RAB11FIP3: variants seen among roughly 807,000 people sequenced by gnomAD.
The protein encoded by RAB11FIP3 is rab11 family-interacting protein 3.
Under a neutral mutation model 77.8 loss-of-function variants are expected in RAB11FIP3, and 17 were observed. The observed-to-expected ratio is 0.22, with a 90% CI of 0.15 to 0.33. The LOEUF (loss-of-function observed/expected upper bound fraction) is 0.33. Ranked by LOEUF, RAB11FIP3 falls within the 10% of genes least tolerant of loss-of-function variation. The pLI, the probability that RAB11FIP3 is intolerant of heterozygous loss-of-function variation, is 1.00. For missense variants in RAB11FIP3, 1,005 were observed against 1,011.2 expected (o/e 0.99, Z 0.08); for synonymous variants, 437 against 448.2 (o/e 0.98, Z 0.31).
chr16:454,167 G>C (rs565178364), intron 1 of RAB11FIP3, among the ~76,000 whole-genome samples: 11 of 152,220 alleles, frequency 7.2e-5, no homozygotes, highest in Admixed American at 7.2e-4. Context: ...AAAAGCAAAG[G>C]CCTCCCCTCA....
intron 1 of RAB11FIP3, among the ~76,000 whole-genome samples, chr16:460,573 G>A (rs1025223710): frequency 1.3e-5 from 2 of 151,876 alleles, no homozygotes; most frequent in African/African-American, 4.8e-5. Flanking sequence ...GTCCATGTGT[G>A]AGTCACCCTA....
chr16:437,375 T>C (rs1251897726), intron 1 of RAB11FIP3, among the ~76,000 whole-genome samples: 3 of 151,362 alleles, frequency 2.0e-5, no homozygotes, highest in African/African-American at 7.3e-5. Context: ...TCTAGACCAG[T>C]GTGGCCAACA....
At chr16:436,387 C>G (rs2055128463) in intron 1 of RAB11FIP3, among the ~76,000 whole-genome samples, 1 of 152,172 alleles carries the variant, frequency 6.6e-6, no homozygotes, top group Non-Finnish European at 1.5e-5. Flanking sequence ...TCACTGCAGC[C>G]TTGAAGTCCT....
chr16:515,093 C>T (rs910362383), intron 9 of RAB11FIP3, among the ~76,000 whole-genome samples: 2 of 152,040 alleles, frequency 1.3e-5, no homozygotes, highest in African/African-American at 2.4e-5. Flanking sequence ...TGATGGACAG[C>T]GAGAGGCTGG....
At chr16:512,539 C>CTTT (rs766027431) in intron 9 of RAB11FIP3, among the ~76,000 whole-genome samples, 27 of 105,600 alleles carry the variant, frequency 2.6e-4, no homozygotes, top group East Asian at 2.7e-4. Flanking sequence ...CGCGCCCGGC[C>CTTT]TTTTTTTTTT....
chr16:520,138 G>A lies in RAB11FIP3; in HGVS notation c.1877G>A (p.Arg626Gln), dbSNP rs962907272. The A allele has an allele frequency of 2.6e-6, 4 of 1,546,152 alleles. No homozygotes were observed. The highest frequency in any genetic ancestry group is 2.6e-6 in the Non-Finnish European group (3 of 1,147,726). Reference protein sequence around the residue: ...EATQELIEDLRKQLEHLQLLK... With the variant: ...EATQELIEDLQKQLEHLQLLK... Reference sequence around the variant, plus strand: ...GCCCTGCAGCTGATCGAGGACCTCCGAAAGCAGCTGGAGCACCTGCAGCTC... The same window carrying A: ...GCCCTGCAGCTGATCGAGGACCTCCAAAAGCAGCTGGAGCACCTGCAGCTC... Residue 626 changes from arginine to glutamine, a missense_variant, in exon 12 of 14, where the codon CGA becomes CAA. Around this residue, in one of 4 missense-constraint regions of RAB11FIP3, gnomAD observed 433 missense variants for 436.1 expected, o/e 0.99. Transcript: ENST00000262305.
In RAB11FIP3 at chr16:426,392, C is replaced by T. The variant is rs777555396; in HGVS notation, c.386C>T (p.Pro129Leu). The change falls in exon 1 of 14, where the codon CCC (proline) becomes CTC (leucine). Residue 129 changes from proline to leucine, a missense_variant. Pro to Leu is a moderately conservative substitution (Grantham distance 98, BLOSUM62 -3). This residue lies in a region of RAB11FIP3 where 466 missense variants were observed against 408.3 expected (regional missense o/e 1.14). Coordinates refer to ENST00000262305, the MANE Select transcript of RAB11FIP3 (RefSeq NM_014700.4). The surrounding 1 kb of genome is among the most constrained non-coding windows in gnomAD (Gnocchi z 5.0). The part of the protein sequence containing the change: ...LDPLFSWTEE[P>L]EECGPASCPE... ...CCGTTGTTCTCCTGGACTGAGGAGC[C>T]CGAGGAGTGTGGCCCCGCGAGCTGC... 1.6e-5 allele frequency: 26 copies of T among 1,580,180 alleles called. No individual in the cohort carries two copies. The East Asian group carries it at 3.0e-4, about 18-fold the overall frequency.
intron 2 of RAB11FIP3, among the ~76,000 whole-genome samples, chr16:468,267 GAA>G (rs1567374347): frequency 2.4e-5 from 3 of 125,148 alleles, no homozygotes; most frequent in Admixed American, 7.7e-5. Flanking sequence ...GAGGTGCAGG[GAA>G]GTCAGGGAGG....
At chr16:439,516 C>G (rs906961464) in intron 1 of RAB11FIP3, 2 of 152,164 alleles carry the variant, frequency 1.3e-5, no homozygotes, top group African/African-American at 4.8e-5. Flanking sequence ...CCACTAAAAC[C>G]GGCGTCCTAG....
In RAB11FIP3 at chr16:461,167, G is replaced by A. The variant is rs1003161233; in HGVS notation, c.715-237G>A. Among the ~76,000 whole-genome samples the A allele has an allele frequency of 2.6e-5, 4 of 152,170 alleles. No homozygotes were observed. Among genetic ancestry groups the A allele is most frequent in the Admixed American group, 2.0e-4 (3 of 15,274 alleles). On this transcript the variant is annotated intron_variant, in intron 1 of 13. Coordinates refer to ENST00000262305, the MANE Select transcript of RAB11FIP3 (RefSeq NM_014700.4). This position sits in a 1 kb window ranked among gnomAD's most constrained non-coding sequence, Gnocchi z 4.5. ...GGCGTTAGAGTCTCATAAGGAGCGC[G>A]CAACCTGGACCCCTCGCATGCGGAG... is the stretch of plus-strand genomic sequence containing the variant.
intron 8 of RAB11FIP3, 21 bp from the exon 9 acceptor site, chr16:510,639 C>T (rs1346290821): frequency 6.3e-7 from 1 of 1,580,522 alleles, no homozygotes; most frequent in Non-Finnish European, 8.6e-7. Context: ...GACAGCTCAG[C>T]TCCTCCCTTT....
At chr16:441,267 C>T (rs1363017887) in intron 1 of RAB11FIP3, among the ~76,000 whole-genome samples, 5 of 152,172 alleles carry the variant, frequency 3.3e-5, no homozygotes, top group African/African-American at 1.2e-4. Context: ...AAGCCTGTTC[C>T]TGATCACTCA....
At chr16:504,221 C>A (rs1215550807) in intron 7 of RAB11FIP3, among the ~76,000 whole-genome samples, 1 of 30,612 alleles carries the variant, frequency 3.3e-5, no homozygotes, top group Non-Finnish European at 5.5e-5. Flanking sequence ...CTCCTGTACC[C>A]CCTCACCTCC....
At chr16:481,892 C>T (rs12931931) in intron 3 of RAB11FIP3, among the ~76,000 whole-genome samples, 4 of 40,170 alleles carry the variant, frequency 1.0e-4, no homozygotes, top group Non-Finnish European at 2.0e-4. Context: ...ACCTGCAGGC[C>T]GGTGCCACCG....
At position 520,544 on chromosome 16, in the gene RAB11FIP3, C is replaced by A. The variant is rs1425286432; in HGVS notation, c.2102C>A (p.Ser701Tyr). 7 of 1,613,748 alleles carry A rather than the reference C, an allele frequency of 4.3e-6. No homozygotes were observed. The highest frequency in any genetic ancestry group is 5.1e-6 in the Non-Finnish European group (6 of 1,180,038). Residue 701 changes from serine to tyrosine, a missense_variant, in exon 13 of 14, where the codon TCC becomes TAC. Physicochemically the swap from Ser to Tyr is moderately radical, Grantham distance 144. Transcript: ENST00000262305. ...LSIQGAKSLF[S>Y]TAFSESLAAE... is the part of the protein sequence containing the mutation. Reference sequence around the variant, plus strand: ...ATCCAGGGCGCCAAGAGCCTCTTCTCCACAGCCTTCTCTGAGTCCCTGGCT... The same window carrying A: ...ATCCAGGGCGCCAAGAGCCTCTTCTACACAGCCTTCTCTGAGTCCCTGGCT...
chr16:519,948 C>G, intron 11 of RAB11FIP3, 57 bp downstream of exon 11: 3 of 1,530,080 alleles, frequency 2.0e-6, no homozygotes, highest in Non-Finnish European at 2.6e-6. Flanking sequence ...CCACGGGGAG[C>G]CTTTGTTTCC....
chr16:477,372 C>T (rs1214047720), intron 3 of RAB11FIP3, among the ~76,000 whole-genome samples: 5 of 152,224 alleles, frequency 3.3e-5, no homozygotes, highest in South Asian at 4.1e-4. Flanking sequence ...GAGTCTTTGT[C>T]ACTGATGACT....
In RAB11FIP3 at chr16:461,764, C is replaced by G. The variant is rs564012363; in HGVS notation, c.808+267C>G. ...CCCTTCCTCAAAGATTTCATGATGA[C>G]AATTTGAGAATTTTCAAAATATTGA... On this transcript the variant is annotated intron_variant, in intron 2 of 13. Transcript: ENST00000262305. The surrounding 1 kb of genome is among the most constrained non-coding windows in gnomAD (Gnocchi z 4.5). Among the ~76,000 whole-genome samples, 1 of 152,266 alleles carries G rather than the reference C, an allele frequency of 6.6e-6. No individual in the cohort carries two copies. Among genetic ancestry groups the G allele is most frequent in the Admixed American group, 6.5e-5 (1 of 15,284 alleles).
At chr16:484,596 G>T (rs558359490) in intron 4 of RAB11FIP3, among the ~76,000 whole-genome samples, 55 of 152,240 alleles carry the variant, frequency 3.6e-4, no homozygotes, top group South Asian at 2.9e-3. Context: ...CAGGCGATCC[G>T]CCCGCCTCGG....
Sources: gnomAD v4.1 joint callset for allele counts (sites outside exome capture counted in the v4.1 genomes callset) on GRCh38, gnomAD v4.1.1 for gene constraint, gnomAD v4.1.1 regional missense constraint, Gnocchi (gnomAD v3.1) non-coding constraint, MANE v1.5 for transcripts, NCBI Gene and HGNC (gene_info 2026-07-23, HGNC 2026-07-21) for gene names.